SLIT2: variants seen among roughly 807,000 people sequenced by gnomAD.
SLIT2 encodes the protein slit homolog 2 protein.
Under a neutral mutation model 185.7 loss-of-function variants are expected in SLIT2, and 41 were observed. The observed-to-expected ratio is 0.22, with a 90% CI of 0.17 to 0.29. The LOEUF (loss-of-function observed/expected upper bound fraction) is 0.29. Among genes scored for constraint, SLIT2 ranks in the 10% least tolerant of loss-of-function variants. The pLI is 1.00. For missense variants in SLIT2, 1,571 were observed against 1,909.0 expected, an observed-to-expected ratio of 0.82 and a Z score of 3.30; for synonymous variants, 693 against 680.2, an observed-to-expected ratio of 1.02 and a Z score of -0.29.
At chr4:20,604,641 C>T (rs2148970794) in intron 33 of SLIT2, among the ~76,000 whole-genome samples, 1 of 152,168 alleles carries the variant, frequency 6.6e-6, no homozygotes, top group Non-Finnish European at 1.5e-5. Flanking sequence ...GCCACTGCGC[C>T]CAGCCTACAT....
At chr4:20,486,999 GA>G (rs892516046) in intron 7 of SLIT2, among the ~76,000 whole-genome samples, 13 of 151,286 alleles carry the variant, frequency 8.6e-5, no homozygotes, top group South Asian at 2.1e-4. Context: ...CAAACTTCTT[GA>G]AAAAAAAGTG....
intron 4 of SLIT2, among the ~76,000 whole-genome samples, chr4:20,391,232 A>C (rs1489191489): frequency 6.6e-6 from 1 of 152,064 alleles, no homozygotes; most frequent in Non-Finnish European, 1.5e-5. Context: ...TGATAACCTG[A>C]TAGTTTTTAA....
At chr4:20,384,670 A>C (rs949296098) in intron 4 of SLIT2, among the ~76,000 whole-genome samples, 10 of 152,164 alleles carry the variant, frequency 6.6e-5, no homozygotes, top group African/African-American at 2.4e-4. Flanking sequence ...TATTTTAGAA[A>C]GGAACCGTTG....
At chr4:20,533,081 G>C (rs915815108) in intron 17 of SLIT2, among the ~76,000 whole-genome samples, 4 of 152,044 alleles carry the variant, frequency 2.6e-5, no homozygotes, top group African/African-American at 9.7e-5. Context: ...AGTTAATTTG[G>C]TTGTTTCAAC....
At chr4:20,382,632 G>T (rs1724617075) in intron 4 of SLIT2, among the ~76,000 whole-genome samples, 1 of 152,052 alleles carries the variant, frequency 6.6e-6, no homozygotes, top group Non-Finnish European at 1.5e-5. Flanking sequence ...ACTGAAAACA[G>T]CATTGCTGCG....
At chr4:20,368,241 A>G (rs1174612653) in intron 4 of SLIT2, among the ~76,000 whole-genome samples, 1 of 151,008 alleles carries the variant, frequency 6.6e-6, no homozygotes, top group Non-Finnish European at 1.5e-5. Context: ...AAAAGAAAAA[A>G]AAGAAAGAAA....
chr4:20,551,041 A>G (rs191416406), intron 25 of SLIT2, 143 bp downstream of exon 25: 13 of 506,814 alleles, frequency 2.6e-5, no homozygotes, highest in Admixed American at 7.4e-5. Flanking sequence ...AGATTTTCAA[A>G]CTGGATATGA....
intron 34 of SLIT2, chr4:20,615,307 C>T (rs1267972902): frequency 2.0e-5 from 3 of 152,160 alleles, no homozygotes; most frequent in African/African-American, 7.2e-5. Context: ...AGACTAAAGG[C>T]CTGTACTCAC....
intron 33 of SLIT2, among the ~76,000 whole-genome samples, chr4:20,601,487 TC>T (rs1728408055): frequency 6.6e-6 from 1 of 152,218 alleles, no homozygotes; most frequent in Non-Finnish European, 1.5e-5. Flanking sequence ...AAACCTGTGT[TC>T]CCATTGCATT....
At position 20,528,785 on chromosome 4, in the gene SLIT2, C is replaced by T. The variant is rs1447347827; in HGVS notation, c.1463-164C>T. 6.6e-6 allele frequency among the ~76,000 whole-genome samples: 1 copy of T among 152,048 alleles called. No homozygotes were observed. Among genetic ancestry groups the T allele is most frequent in the Admixed American group, 6.6e-5 (1 of 15,264 alleles). ...GGTCACTCTTTTTTCCAGAAAATTC[C>T]AAGCCTTTCTTTTAACCTTTCTCCT... On this transcript the variant is annotated intron_variant, in intron 15 of 36. Transcript: ENST00000504154. This position sits in a 1 kb window ranked among gnomAD's most constrained non-coding sequence, Gnocchi z 4.2.
At chr4:20,438,374 A>G (rs1189408466) in intron 4 of SLIT2, among the ~76,000 whole-genome samples, 2 of 152,176 alleles carry the variant, frequency 1.3e-5, no homozygotes, top group African/African-American at 4.8e-5. Context: ...GGAGTAAGTC[A>G]CATCTTACGT....
At chr4:20,303,448 T>A (rs186468891) in intron 4 of SLIT2, among the ~76,000 whole-genome samples, 1 of 152,280 alleles carries the variant, frequency 6.6e-6, no homozygotes, top group East Asian at 1.9e-4. Context: ...TAATATGGAA[T>A]TACAGTTACT....
rs970152563 is a variant in SLIT2 at position 20,441,736 on chromosome 4, C to G, written c.396-26016C>G. ...AAAGGCTTTGTAAACATGGGTCCTA[C>G]CTGCACACAAGTCAGACTGTGATCA... On this transcript the variant is annotated intron_variant, in intron 4 of 36. Coordinates refer to ENST00000504154, the MANE Select transcript of SLIT2 (RefSeq NM_004787.4). Among the ~76,000 whole-genome samples, 4 of 152,268 alleles carry G rather than the reference C, an allele frequency of 2.6e-5. No homozygotes were observed. The South Asian group carries it at 8.3e-4, about 32-fold the overall frequency.
At chr4:20,364,278 T>C (rs1159594044) in intron 4 of SLIT2, 2 of 985,094 alleles carry the variant, frequency 2.0e-6, no homozygotes, top group African/African-American at 3.5e-5. Context: ...CCTGCACATA[T>C]GAAAGGGTAA....
intron 5 of SLIT2, among the ~76,000 whole-genome samples, chr4:20,472,423 T>G (rs866334386): frequency 3.0e-4 from 23 of 76,716 alleles, no homozygotes; most frequent in Non-Finnish European, 4.2e-4. Context: ...TATCTATATA[T>G]ATAGATATCT....
intron 5 of SLIT2, among the ~76,000 whole-genome samples, chr4:20,472,395 TAG>T (rs566109126): frequency 2.6e-5 from 1 of 38,846 alleles, no homozygotes; most frequent in African/African-American, 9.4e-5. Context: ...TGTAGATATA[TAG>T]ATATAGATAT....
At chr4:20,553,518 C>T (rs1252396759) in intron 25 of SLIT2, among the ~76,000 whole-genome samples, 2 of 152,176 alleles carry the variant, frequency 1.3e-5, no homozygotes, top group Non-Finnish European at 2.9e-5. Flanking sequence ...TCAATATAAA[C>T]ACGTCTCTGA....
At chr4:20,548,649 G>A (rs1360473992) in intron 23 of SLIT2, 90 bp downstream of exon 23, 4 of 767,554 alleles carry the variant, frequency 5.2e-6, no homozygotes, top group Non-Finnish European at 9.1e-6. Context: ...GAACAAGACA[G>A]TCTCTACCCT....
intron 4 of SLIT2, among the ~76,000 whole-genome samples, chr4:20,337,034 A>G (rs1207192854): frequency 6.6e-6 from 1 of 152,104 alleles, no homozygotes; most frequent in Non-Finnish European, 1.5e-5. Context: ...AAGAGTTTTC[A>G]GAGTATTTTA....
Sources: allele counts gnomAD v4.1 joint callset (sites outside exome capture counted in the v4.1 genomes callset), GRCh38; gene constraint gnomAD v4.1.1; non-coding constraint Gnocchi (gnomAD v3.1); transcripts MANE v1.5; gene names NCBI Gene and HGNC (gene_info 2026-07-23, HGNC 2026-07-21).